Variants in GSK3B observed in about 807,000 individuals in gnomAD.
GSK3B encodes glycogen synthase kinase 3 beta.
Under a neutral mutation model 56.4 loss-of-function variants are expected in GSK3B, and 15 were observed. That is an observed-to-expected ratio of 0.27 (90% confidence interval 0.18 to 0.41). The LOEUF (loss-of-function observed/expected upper bound fraction) is 0.41, where lower values mean the gene tolerates loss of function less well. GSK3B is among the 10% of genes least tolerant of loss of function. GSK3B has a pLI of 1.00. For synonymous variants in GSK3B, 181 were observed against 188.9 expected (o/e 0.96, Z 0.34); for missense variants, 300 against 513.4 (o/e 0.58, Z 4.02).
chr3:119,996,020 G>T (rs530666407), intron 2 of GSK3B, among the ~76,000 whole-genome samples: 1 of 152,184 alleles, frequency 6.6e-6, no homozygotes, highest in Non-Finnish European at 1.5e-5. Context: ...TTACAAGCGT[G>T]AGCCACCACT....
chr3:119,958,341 T>C (rs1462086451), intron 2 of GSK3B, among the ~76,000 whole-genome samples: 1 of 125,738 alleles, frequency 8.0e-6, no homozygotes, highest in African/African-American at 3.0e-5. Flanking sequence ...ACAGATGCCA[T>C]ACAACAGAAA....
intron 1 of GSK3B, chr3:120,028,801 T>C (rs1420374554): frequency 4.5e-6 from 2 of 447,914 alleles, no homozygotes; most frequent in Admixed American, 2.7e-5. Context: ...TCTCCGCCAG[T>C]GGGCGGCCGC....
chr3:120,090,491 C>T (rs114303976), intron 1 of GSK3B, among the ~76,000 whole-genome samples: 2 of 152,252 alleles, frequency 1.3e-5, no homozygotes, highest in Non-Finnish European at 2.9e-5. Flanking sequence ...TTACAATTAA[C>T]AATATAACTT....
intron 3 of GSK3B, among the ~76,000 whole-genome samples, chr3:119,929,920 T>A (rs13082832): frequency 0.011 from 1,591 of 141,508 alleles, 17 homozygotes; most frequent in Non-Finnish European, 0.018. Context: ...AAAAAAAAAA[T>A]AATAATAATA....
chr3:119,874,577 G>T (rs2056287643), intron 8 of GSK3B, among the ~76,000 whole-genome samples: 1 of 151,784 alleles, frequency 6.6e-6, no homozygotes, highest in Non-Finnish European at 1.5e-5. Context: ...TGTTAAATAG[G>T]ATCTCATGGA....
chr3:119,886,268 G>A (rs1327351388), intron 7 of GSK3B, among the ~76,000 whole-genome samples: 1 of 152,022 alleles, frequency 6.6e-6, no homozygotes, highest in Non-Finnish European at 1.5e-5. Context: ...AGAGATGTAA[G>A]TGGCCAACAA....
chr3:119,930,080 TACACACACACACACACACACAC>T (rs71619762), intron 3 of GSK3B, among the ~76,000 whole-genome samples: 2 of 133,564 alleles, frequency 1.5e-5, no homozygotes, highest in Admixed American at 7.4e-5. Context: ...TTCTGTCTCC[TACACACACACACACACACACAC>T]ACACACACAC....
At chr3:119,940,710 CAG>C (rs1270018742) in intron 3 of GSK3B, among the ~76,000 whole-genome samples, 1 of 152,050 alleles carries the variant, frequency 6.6e-6, no homozygotes, top group East Asian at 1.9e-4. Context: ...TTTTGGGGGT[CAG>C]AGATTTCTTT....
At chr3:119,923,815 T>C (rs2056866303) in intron 3 of GSK3B, among the ~76,000 whole-genome samples, 1 of 152,200 alleles carries the variant, frequency 6.6e-6, no homozygotes, top group South Asian at 2.1e-4. Context: ...ATAATCAATG[T>C]CCTCATATCC....
chr3:119,836,741 C>A (rs1402014294), intron 10 of GSK3B, among the ~76,000 whole-genome samples: 1 of 152,036 alleles, frequency 6.6e-6, no homozygotes, highest in Non-Finnish European at 1.5e-5. Context: ...TGACCAGTCA[C>A]GAAGAGGAAT....
At chr3:119,994,889 T>C (rs1013453937) in intron 2 of GSK3B, among the ~76,000 whole-genome samples, 1 of 152,144 alleles carries the variant, frequency 6.6e-6, no homozygotes, top group Non-Finnish European at 1.5e-5. Context: ...TATTAGATAA[T>C]AGTATTGTAT....
chr3:119,963,596 C>T (rs1007879366), intron 2 of GSK3B, among the ~76,000 whole-genome samples: 3 of 103,138 alleles, frequency 2.9e-5, no homozygotes, highest in African/African-American at 1.2e-4. Context: ...CCAGCCTAGG[C>T]AACAGAGTAG....
chr3:119,843,181 C>G, intron 10 of GSK3B, 74 bp downstream of exon 10: 1 of 874,640 alleles, frequency 1.1e-6, no homozygotes, highest in South Asian at 1.3e-5. Context: ...TCCCAAAGTG[C>G]TGGGATTACA....
intron 10 of GSK3B, among the ~76,000 whole-genome samples, chr3:119,839,354 G>C (rs76912859): frequency 2.6e-3 from 395 of 152,258 alleles, no homozygotes; most frequent in African/African-American, 8.4e-3. Flanking sequence ...TGGCATCTTT[G>C]TCAATATGCT....
At chr3:119,906,730 G>T (rs990145354) in intron 6 of GSK3B, among the ~76,000 whole-genome samples, 1 of 152,008 alleles carries the variant, frequency 6.6e-6, no homozygotes, top group African/African-American at 2.4e-5. Flanking sequence ...GGTTTTTAAT[G>T]TACCAACACT....
intron 2 of GSK3B, among the ~76,000 whole-genome samples, chr3:119,961,505 A>G (rs1402542245): frequency 1.3e-5 from 2 of 151,766 alleles, no homozygotes; most frequent in African/African-American, 4.8e-5. Flanking sequence ...GCACACACCT[A>G]TAGTCCCAGT....
At chr3:120,007,306 T>C (rs2107492347) in intron 1 of GSK3B, among the ~76,000 whole-genome samples, 1 of 152,170 alleles carries the variant, frequency 6.6e-6, no homozygotes, top group East Asian at 1.9e-4. Flanking sequence ...ACCAGACAAA[T>C]TCACAGCCGA....
At chr3:120,026,568 CTT>C (rs1221060200) in intron 1 of GSK3B, among the ~76,000 whole-genome samples, 2 of 144,190 alleles carry the variant, frequency 1.4e-5, no homozygotes, top group Admixed American at 6.9e-5. Flanking sequence ...CACACACACT[CTT>C]TTTTTTTTTC....
At chr3:119,928,948 G>A (rs1483797073) in intron 3 of GSK3B, among the ~76,000 whole-genome samples, 3 of 151,980 alleles carry the variant, frequency 2.0e-5, no homozygotes, top group Non-Finnish European at 1.5e-5. Context: ...ATAAAGACTC[G>A]AGTTTTAGCT....
Sources: gnomAD v4.1 joint callset for allele counts (sites outside exome capture counted in the v4.1 genomes callset) on GRCh38, gnomAD v4.1.1 for gene constraint, MANE v1.5 for transcripts, NCBI Gene and HGNC (gene_info 2026-07-23, HGNC 2026-07-21) for gene names.